Variants in ATXN7 observed in about 807,000 individuals in gnomAD.
ATXN7 encodes the protein ataxin 7.
Under a neutral mutation model 70.5 loss-of-function variants are expected in ATXN7, and 12 were observed. The ratio of observed to expected loss-of-function variants is 0.17; its 90% CI spans 0.11 to 0.28. The LOEUF is 0.28. Among genes scored for constraint, ATXN7 ranks in the 10% least tolerant of loss-of-function variants. The pLI, the probability that ATXN7 is intolerant of heterozygous loss-of-function variation, is 1.00. For missense variants in ATXN7, 1,256 were observed against 1,131.7 expected (o/e 1.11, Z -1.58); for synonymous variants, 498 against 448.7 (o/e 1.11, Z -1.39).
chr3:63,956,245 A>G (rs1415300753), intron 5 of ATXN7, among the ~76,000 whole-genome samples: 1 of 151,928 alleles, frequency 6.6e-6, no homozygotes, highest in Non-Finnish European at 1.5e-5. Flanking sequence ...TTTAAGAATA[A>G]GGTGTGAAAC....
At chr3:63,870,227 C>T (rs1039185234) in intron 1 of ATXN7, among the ~76,000 whole-genome samples, 22 of 152,086 alleles carry the variant, frequency 1.4e-4, no homozygotes, top group Admixed American at 7.2e-4. Flanking sequence ...TTATGTGTCA[C>T]GTCATATTTT....
rs771249406 is a variant in ATXN7 at position 63,990,702 on chromosome 3, G to C, written c.1561-36G>C. The C allele has an allele frequency of 1.3e-5, 21 of 1,613,922 alleles. No homozygotes were observed. In the East Asian group the frequency reaches 4.5e-4, roughly 34 times the overall value. On this transcript the variant is annotated intron_variant, in intron 10 of 12. Coordinates refer to ENST00000674280, the MANE Select transcript of ATXN7 (RefSeq NM_001377405.1). ...ACCCTGACTGGGCATGCCAGTGTGGGAGTCAGCAAGCACGCGGCTATGTTT... is the reference window on the plus strand; with the variant it reads ...ACCCTGACTGGGCATGCCAGTGTGGCAGTCAGCAAGCACGCGGCTATGTTT...
In ATXN7 at chr3:63,990,300, G is replaced by A. The variant is rs779860402; in HGVS notation, c.1486G>A (p.Glu496Lys). The change falls in exon 10 of 13, where the codon GAA (glutamate) becomes AAA (lysine). Residue 496 changes from glutamate to lysine, a missense_variant. Physicochemically the swap from Glu to Lys is moderately conservative, Grantham distance 56. Coordinates refer to ENST00000674280, the MANE Select transcript of ATXN7 (RefSeq NM_001377405.1). ...PASRLSSEEG[E>K]GDDKEESVEK... The stretch of plus-strand genomic sequence containing the variant: ...TTCTCGGTTATCCAGTGAGGAGGGC[G>A]AAGGCGATGACAAAGAAGAGTCTGT... 1.2e-5 allele frequency: 19 copies of A among 1,614,018 alleles called. No homozygotes were observed. Among genetic ancestry groups the A allele is most frequent in the Middle Eastern group, 1.6e-4 (1 of 6,078 alleles).
At chr3:63,891,043 T>C (rs1703244260) in intron 1 of ATXN7, among the ~76,000 whole-genome samples, 1 of 152,176 alleles carries the variant, frequency 6.6e-6, no homozygotes, top group Non-Finnish European at 1.5e-5. Context: ...AGAGTCTTGC[T>C]CTGTCACCCA....
chr3:63,946,730 C>T (rs944003756), intron 4 of ATXN7, among the ~76,000 whole-genome samples: 13 of 151,960 alleles, frequency 8.6e-5, no homozygotes, highest in African/African-American at 2.9e-4. Context: ...TTGACTGAGG[C>T]TGGAGAGATG....
intron 4 of ATXN7, among the ~76,000 whole-genome samples, chr3:63,914,743 G>T (rs1704192238): frequency 6.6e-6 from 1 of 152,164 alleles, no homozygotes; most frequent in Admixed American, 6.5e-5. Context: ...GTGTATTAAT[G>T]TTTCAGTGGG....
intron 4 of ATXN7, 130 bp downstream of exon 4, chr3:63,913,355 AGGAGGGAG>A: frequency 1.0e-6 from 1 of 986,270 alleles, no homozygotes; most frequent in East Asian, 2.6e-5. Context: ...ATGCTGCCTG[AGGAGGGAG>A]GGAGGGGGCA....
At chr3:63,984,953 T>G (rs934494479) in intron 8 of ATXN7, among the ~76,000 whole-genome samples, 2 of 152,250 alleles carry the variant, frequency 1.3e-5, no homozygotes, top group African/African-American at 4.8e-5. Context: ...TGTAGCATAT[T>G]GCAGAATTTC....
chr3:63,995,906 C>T lies in ATXN7; in HGVS notation c.2084C>T (p.Ala695Val), dbSNP rs865955432. Residue 695 changes from alanine to valine, a missense_variant, in exon 12 of 13, where the codon GCC becomes GTC. By Grantham distance (64) the Ala-to-Val change is moderately conservative. Transcript: ENST00000674280. The stretch of plus-strand genomic sequence containing the variant: ...GGTAACAGCACTAACTGTCAAAATG[C>T]CAGTAGCAGTACCAGTGGCGGCTCA... ...SSGNSTNCQN[A>V]SSSTSGGSGK... 11 of 1,614,082 alleles carry T rather than the reference C, an allele frequency of 6.8e-6. No individual in the cohort carries two copies. The highest frequency in any genetic ancestry group is 1.3e-5 in the African/African-American group (1 of 74,916).
chr3:63,916,021 G>A (rs540279316), intron 4 of ATXN7, among the ~76,000 whole-genome samples: 1 of 152,262 alleles, frequency 6.6e-6, no homozygotes, highest in East Asian at 1.9e-4. Context: ...CTAGGAATAT[G>A]CACTTGACTT....
rs747337571 is a variant in ATXN7 at position 63,883,103 on chromosome 3, C to CT, written c.-110-15295dup. ...AAGGCTTGGCTTACCTTCCATCAAC[C>CT]TCAGCAGTTCTGCTGGAAGGGAAAA... On this transcript the variant is annotated intron_variant, in intron 1 of 12. Transcript: ENST00000674280. Among the ~76,000 whole-genome samples the CT allele has an allele frequency of 2.6e-3, 401 of 152,322 alleles. 3 individuals carry two copies. The Middle Eastern group carries it at 0.027, about 10-fold the overall frequency.
At chr3:63,992,005 G>A (rs534601280) in intron 11 of ATXN7, among the ~76,000 whole-genome samples, 3 of 152,158 alleles carry the variant, frequency 2.0e-5, no homozygotes, top group Non-Finnish European at 4.4e-5. Flanking sequence ...CGGTGGGAGT[G>A]ACTTTGGTGA....
intron 5 of ATXN7, among the ~76,000 whole-genome samples, chr3:63,961,188 C>G (rs1339169925): frequency 6.6e-6 from 1 of 151,858 alleles, no homozygotes; most frequent in African/African-American, 2.4e-5. Flanking sequence ...ATTTTTTCCC[C>G]TCACATAAAA....
At chr3:63,872,672 T>G (rs960083686) in intron 1 of ATXN7, among the ~76,000 whole-genome samples, 2 of 152,222 alleles carry the variant, frequency 1.3e-5, no homozygotes, top group African/African-American at 2.4e-5. Flanking sequence ...CCAAGTCATA[T>G]TGCACAGGAT....
intron 5 of ATXN7, among the ~76,000 whole-genome samples, chr3:63,978,779 A>G (rs1404924965): frequency 6.6e-6 from 1 of 152,240 alleles, no homozygotes; most frequent in Admixed American, 6.5e-5. Flanking sequence ...TTTATAAGCC[A>G]TCATTGAAGT....
At chr3:63,946,290 T>C (rs1399142413) in intron 4 of ATXN7, among the ~76,000 whole-genome samples, 1 of 151,982 alleles carries the variant, frequency 6.6e-6, no homozygotes, top group Admixed American at 6.6e-5. Flanking sequence ...CGGTGGGAAT[T>C]GTAGAAAGAG....
intron 4 of ATXN7, among the ~76,000 whole-genome samples, chr3:63,928,310 CA>C (rs1444529191): frequency 1.3e-5 from 2 of 151,422 alleles, no homozygotes; most frequent in African/African-American, 2.4e-5. Context: ...CAAAAACAAA[CA>C]AAAAAACAGC....
chr3:63,884,240 CAT>C lies in ATXN7; in HGVS notation c.-110-14157_-110-14156del, dbSNP rs1200746018. 7.2e-3 allele frequency among the ~76,000 whole-genome samples: 768 copies of C among 106,488 alleles called. 7 individuals are homozygous for C. Among genetic ancestry groups the C allele is most frequent in the Middle Eastern group, 0.037 (7 of 190 alleles). 69.9% of individuals were successfully genotyped at this position (106,488 alleles called of 152,430 possible). Reference sequence around the variant, plus strand: ...ACACACACACACACACACACACACACATACTCTCACACACACACACACTCATT... The same window carrying C: ...ACACACACACACACACACACACACACACTCTCACACACACACACACTCATT... On this transcript the variant is annotated intron_variant, in intron 1 of 12. Coordinates refer to ENST00000674280, the MANE Select transcript of ATXN7 (RefSeq NM_001377405.1).
chr3:63,879,766 C>G (rs1336566977), intron 1 of ATXN7, among the ~76,000 whole-genome samples: 1 of 152,000 alleles, frequency 6.6e-6, no homozygotes, highest in Non-Finnish European at 1.5e-5. Context: ...CAAAAAGATT[C>G]TTATTCCACC....
Sources: allele counts gnomAD v4.1 joint callset (sites outside exome capture counted in the v4.1 genomes callset), GRCh38; gene constraint gnomAD v4.1.1; transcripts MANE v1.5; gene names NCBI Gene and HGNC (gene_info 2026-07-23, HGNC 2026-07-21).